RASD2: variants seen among roughly 807,000 people sequenced by gnomAD.
RASD2 encodes RASD family member 2, also known as GTP-binding protein Rhes.
A neutral mutation model predicts 15.8 loss-of-function variants in RASD2; 7 were observed. The ratio of observed to expected loss-of-function variants is 0.44; its 90% confidence interval spans 0.25 to 0.83. The LOEUF (loss-of-function observed/expected upper bound fraction) is 0.83. Ranked by LOEUF, RASD2 falls within the 40% of genes least tolerant of loss-of-function variation. The pLI, the probability that RASD2 is intolerant of heterozygous loss-of-function variation, is 0.20. For missense variants in RASD2, 274 were observed against 382.8 expected, an observed-to-expected ratio of 0.72 and a Z score of 2.37; for synonymous variants, 155 against 153.6, an observed-to-expected ratio of 1.01 and a Z score of -0.07.
At chr22:35,544,200 C>T (rs920339192) in intron 1 of RASD2, among the ~76,000 whole-genome samples, 11 of 152,206 alleles carry the variant, frequency 7.2e-5, no homozygotes, top group African/African-American at 1.7e-4. Context: ...CAGAAGTGAC[C>T]GCCAGCAGAG....
Position 35,551,948 on chromosome 22 carries a change from C to T in RASD2, c.717C>T (p.Ser239=), listed in dbSNP as rs1316360237. The change falls in exon 3 of 3, where the codon AGC becomes AGT. Residue 239 remains serine (S), a synonymous_variant. Transcript: ENST00000216127. This position sits in a 1 kb window ranked among gnomAD's most constrained non-coding sequence, Gnocchi z 4.9. ...GMVSPFARRP[S]VNSDLKYIKA... is the part of the protein sequence containing the mutation. Reference sequence around the variant, plus strand: ...TCTCGCCCTTCGCCCGCCGCCCCAGCGTCAACAGTGACCTCAAGTACATCA... The same window carrying T: ...TCTCGCCCTTCGCCCGCCGCCCCAGTGTCAACAGTGACCTCAAGTACATCA... The T allele has an allele frequency of 1.4e-5, 23 of 1,606,320 alleles. No homozygotes were observed. The highest frequency in any genetic ancestry group is 6.7e-5 in the East Asian group (3 of 44,876).
chr22:35,552,189 G>T lies in RASD2; in HGVS notation c.*157G>T, dbSNP rs1188654379. On this transcript the variant is annotated 3_prime_UTR_variant, in exon 3 of 3. Transcript: ENST00000216127. The stretch of plus-strand genomic sequence containing the variant: ...CCCGGGCGCTGGCCTCCGCACATTC[G>T]TCTGCCTTCTCACAGCTTTCCTGAG... The T allele has an allele frequency of 8.5e-6, 8 of 943,828 alleles. No homozygotes were observed. The South Asian group carries it at 1.2e-4, about 14-fold the overall frequency. 58.5% of individuals were successfully genotyped at this position (943,828 alleles called of 1,614,324 possible). A position where few individuals can be genotyped will look rare whatever the true frequency, so the allele number is the denominator to read the frequency against.
intron 1 of RASD2, 144 bp from the exon 2 acceptor site, chr22:35,546,657 A>G (rs1216352311): frequency 1.8e-6 from 2 of 1,095,110 alleles, no homozygotes; most frequent in Non-Finnish European, 2.5e-6. Flanking sequence ...AGAGGGTAGA[A>G]CTCCAAGACC....
chr22:35,542,557 G>T (rs1039303367), intron 1 of RASD2, among the ~76,000 whole-genome samples: 1 of 152,228 alleles, frequency 6.6e-6, no homozygotes, highest in African/African-American at 2.4e-5. Context: ...GCCAAGGGTG[G>T]TGGGGTTGGC....
At chr22:35,549,317 GT>G (rs371135050) in intron 2 of RASD2, among the ~76,000 whole-genome samples, 2 of 150,882 alleles carry the variant, frequency 1.3e-5, no homozygotes, top group African/African-American at 4.9e-5. Flanking sequence ...TCTGATGCTT[GT>G]TTTTTTTTCA....
At chr22:35,537,949 C>CTT (rs34411242), upstream of RASD2, among the ~76,000 whole-genome samples, 1,135 of 140,618 alleles carry the variant, frequency 8.1e-3, 11 homozygotes, top group African/African-American at 0.023. Flanking sequence ...GACTTTATAT[C>CTT]TTTTTTTTTT....
At chr22:35,537,004 T>C (rs1164722400), upstream of RASD2, among the ~76,000 whole-genome samples, 1 of 152,218 alleles carries the variant, frequency 6.6e-6, no homozygotes, top group African/African-American at 2.4e-5. Flanking sequence ...TTTTGGTATC[T>C]TTTAAAAGCT....
In RASD2 at chr22:35,541,324, G is replaced by T. The variant is rs1569099849; in HGVS notation, c.-186G>T. ...ACCTGCCCCTTGCGCCTCCTTGCCCGGCCGCGCCCAGCCCGGCGTCCCGAG... is the reference window on the plus strand; with the variant it reads ...ACCTGCCCCTTGCGCCTCCTTGCCCTGCCGCGCCCAGCCCGGCGTCCCGAG... On this transcript the variant is annotated 5_prime_UTR_variant, in exon 1 of 3. Transcript: ENST00000216127. 1 of 152,152 alleles carries T rather than the reference G, an allele frequency of 6.6e-6. No individual in the cohort carries two copies. Among genetic ancestry groups the T allele is most frequent in the Non-Finnish European group, 1.5e-5 (1 of 68,080 alleles). 9.4% of individuals were successfully genotyped at this position (152,152 alleles called of 1,614,324 possible).
intron 1 of RASD2, among the ~76,000 whole-genome samples, chr22:35,545,482 G>A (rs1459958020): frequency 6.6e-6 from 1 of 152,194 alleles, no homozygotes; most frequent in African/African-American, 2.4e-5. Flanking sequence ...CTGGGATGCA[G>A]CCCCCACTTG....
In RASD2 at chr22:35,546,837, T is replaced by G. The variant is rs760874127; in HGVS notation, c.28T>G (p.Cys10Gly). 3.7e-6 allele frequency: 6 copies of G among 1,613,684 alleles called. No individual in the cohort carries two copies. In the African/African-American group the frequency reaches 6.7e-5, roughly 18 times the overall value. The change falls in exon 2 of 3, where the codon TGC becomes GGC. Residue 10 changes from cysteine (C) to glycine (G), a missense_variant. By Grantham distance (159) the Cys-to-Gly change is radical. Coordinates refer to ENST00000216127, the MANE Select transcript of RASD2 (RefSeq NM_014310.4). MMKTLSSGN[C>G]TLSVPAKNSY... ...GATGAAGACTTTGTCCAGCGGGAAC[T>G]GCACGCTCAGTGTGCCCGCCAAAAA...
upstream of RASD2, among the ~76,000 whole-genome samples, chr22:35,540,240 C>T (rs1416556968): frequency 6.6e-6 from 1 of 152,036 alleles, no homozygotes; most frequent in Non-Finnish European, 1.5e-5. Context: ...GGGTCACCTG[C>T]GGCCAGGCCG....
rs1569102268 is a variant in RASD2, at chr22:35,547,017, G to A, written c.208G>A (p.Asp70Asn). Residue 70 changes from aspartate (D) to asparagine (N), a missense_variant, in exon 2 of 3, where the codon GAC becomes AAC. Physicochemically the swap from Asp to Asn is conservative, Grantham distance 23. Transcript: ENST00000216127. ...YNIRGDMYQL[D>N]ILDTSGNHPF... ...CATCCGCGGCGACATGTACCAGCTC[G>A]ACATCCTGGATACCTCTGGCAACCA... 2.5e-6 allele frequency: 4 copies of A among 1,614,018 alleles called. No homozygotes were observed. The highest frequency in any genetic ancestry group is 1.3e-5 in the African/African-American group (1 of 74,904).
intron 2 of RASD2, among the ~76,000 whole-genome samples, chr22:35,548,670 G>C (rs944301541): frequency 6.6e-6 from 1 of 152,204 alleles, no homozygotes; most frequent in Non-Finnish European, 1.5e-5. Context: ...TGGCTTTTCC[G>C]AGCATCTGAC....
chr22:35,537,261 T>C (rs563749289), upstream of RASD2, among the ~76,000 whole-genome samples: 23 of 152,334 alleles, frequency 1.5e-4, no homozygotes, highest in African/African-American at 4.1e-4. Context: ...CAAGGAGAGC[T>C]TGTACGTTTC....
At chr22:35,542,502 G>A (rs1385657904) in intron 1 of RASD2, among the ~76,000 whole-genome samples, 1 of 152,232 alleles carries the variant, frequency 6.6e-6, no homozygotes, top group African/African-American at 2.4e-5. Context: ...AGGCAGAGTT[G>A]GCCTGCCAGA....
rs752444241 is a variant in RASD2, at chr22:35,546,945, G to A, written c.136G>A (p.Asp46Asn). 1 of 1,614,070 alleles carries A rather than the reference G, an allele frequency of 6.2e-7. No homozygotes were observed. Among genetic ancestry groups the A allele is most frequent in the South Asian group, 1.1e-5 (1 of 91,052 alleles). The change falls in exon 2 of 3, where the codon GAC becomes AAC. Residue 46 changes from aspartate to asparagine, a missense_variant. Transcript: ENST00000216127. Reference sequence around the variant, plus strand: ...TCGCTTCCTCAATGGCCGCTTTGAGGACCAGTACACACCCACCATCGAGGA... The same window carrying A: ...TCGCTTCCTCAATGGCCGCTTTGAGAACCAGTACACACCCACCATCGAGGA... ...VSRFLNGRFE[D>N]QYTPTIEDFH... is the part of the protein sequence containing the mutation.
upstream of RASD2, among the ~76,000 whole-genome samples, chr22:35,537,322 A>C (rs1457434832): frequency 6.6e-6 from 1 of 152,204 alleles, no homozygotes; most frequent in Non-Finnish European, 1.5e-5. Context: ...CATTTATTAA[A>C]AACTTATAAT....
At chr22:35,544,439 T>A (rs911758029) in intron 1 of RASD2, among the ~76,000 whole-genome samples, 4 of 152,238 alleles carry the variant, frequency 2.6e-5, no homozygotes, top group African/African-American at 9.6e-5. Context: ...AGGGCCCTCC[T>A]TGGCACAGCC....
chr22:35,542,350 G>A (rs1231316412), intron 1 of RASD2, among the ~76,000 whole-genome samples: 2 of 152,246 alleles, frequency 1.3e-5, no homozygotes, highest in Admixed American at 6.5e-5. Flanking sequence ...GTTCAGGTTT[G>A]CTGCGGGTCA....
Sources: allele counts gnomAD v4.1 joint callset (sites outside exome capture counted in the v4.1 genomes callset), GRCh38; gene constraint gnomAD v4.1.1; non-coding constraint Gnocchi (gnomAD v3.1); transcripts MANE v1.5; gene names NCBI Gene and HGNC (gene_info 2026-07-23, HGNC 2026-07-21).